NOVA2: variants seen among roughly 807,000 people sequenced by gnomAD.
NOVA2 encodes the protein NOVA alternative splicing regulator 2.
A neutral mutation model predicts 22.5 loss-of-function variants in NOVA2; 9 were observed. The ratio of observed to expected loss-of-function variants is 0.40; its 90% confidence interval spans 0.24 to 0.70. The LOEUF (loss-of-function observed/expected upper bound fraction) is 0.70, where lower values mean the gene tolerates loss of function less well. Among genes scored for constraint, NOVA2 ranks in the 30% least tolerant of loss-of-function variants. NOVA2 has a pLI of 0.38. For missense variants in NOVA2, 383 were observed against 682.8 expected, an observed-to-expected ratio of 0.56 and a Z score of 4.89; for synonymous variants, 318 against 335.2, an observed-to-expected ratio of 0.95 and a Z score of 0.56.
At chr19:45,944,112 C>T (rs1400173512) in intron 3 of NOVA2, among the ~76,000 whole-genome samples, 1 of 152,090 alleles carries the variant, frequency 6.6e-6, no homozygotes, top group Non-Finnish European at 1.5e-5. Flanking sequence ...TTCATTATTC[C>T]TTCTATTGTG....
chr19:45,940,191 G>T lies in NOVA2; in HGVS notation c.1151C>A (p.Ala384Asp). 3 of 1,553,092 alleles carry T rather than the reference G, an allele frequency of 1.9e-6. No homozygotes were observed. Among genetic ancestry groups the T allele is most frequent in the Non-Finnish European group, 2.6e-6 (3 of 1,156,476 alleles). Residue 384 changes from alanine (A) to aspartate (D), a missense_variant, in exon 4 of 4, where the codon GCT becomes GAT. Transcript: ENST00000263257. ...CCCGGCCGCCCCGGCCGCGGCTGCA[G>T]CGGCCACCAGCGGGCCGCCCCCTCC... is the stretch of plus-strand genomic sequence containing the variant. ...AGGGGGPLVA[A>D]AAAAGAAGGF...
intron 2 of NOVA2, among the ~76,000 whole-genome samples, chr19:45,956,141 C>A (rs1027285395): frequency 6.6e-6 from 1 of 152,142 alleles, no homozygotes; most frequent in South Asian, 2.1e-4. Context: ...ACTACCCCCC[C>A]TTCCCCACCC....
rs148501100 is a variant in NOVA2 at position 45,970,783 on chromosome 19, G to A, written c.85+2484C>T. Among the ~76,000 whole-genome samples the A allele has an allele frequency of 1.8e-3, 276 of 152,232 alleles. 2 individuals are homozygous for A. The highest frequency in any genetic ancestry group is 3.1e-3 in the Admixed American group (47 of 15,284). On this transcript the variant is annotated intron_variant, in intron 1 of 3. Transcript: ENST00000263257. ...CAGCTATGAATGTATATTATTGAAA[G>A]AAGCCCTCAATTTTGGGATCAAAGT...
At chr19:45,960,335 G>C (rs762321249) in intron 2 of NOVA2, among the ~76,000 whole-genome samples, 1 of 151,316 alleles carries the variant, frequency 6.6e-6, no homozygotes, top group Non-Finnish European at 1.5e-5. Context: ...GACTATGAGA[G>C]GTGGAGGGAA....
rs1382852940 is a variant in NOVA2 at position 45,940,819 on chromosome 19, G to A, written c.523C>T (p.Leu175=). The A allele has an allele frequency of 1.9e-6, 3 of 1,606,284 alleles. No homozygotes were observed. In the East Asian group the frequency reaches 6.7e-5, roughly 36 times the overall value. Reference sequence around the variant, plus strand: ...CTGACCGTCACCACGCGCTCCTGCAGGTTGATGCCCTCCGGCTTCTGGGAC... The same window carrying A: ...CTGACCGTCACCACGCGCTCCTGCAAGTTGATGCCCTCCGGCTTCTGGGAC... ...QLSQKPEGIN[L]QERVVTVSGE... is the part of the protein sequence containing the mutation. Residue 175 remains leucine, a synonymous_variant, in exon 4 of 4, where the codon CTG becomes TTG. Coordinates refer to ENST00000263257, the MANE Select transcript of NOVA2 (RefSeq NM_002516.4).
rs1227549727 is a variant in NOVA2, at chr19:45,973,185, C to T, written c.85+82G>A. 60 of 679,484 alleles carry T rather than the reference C, an allele frequency of 8.8e-5. 1 individual carries two copies. The highest frequency in any genetic ancestry group is 6.9e-5 in the Non-Finnish European group (31 of 449,722). The allele number at this position is 679,484 out of a possible 1,614,324, so 42.1% of individuals were successfully genotyped here. A position where few individuals can be genotyped will look rare whatever the true frequency, so the allele number is the denominator to read the frequency against. ...TCTCCCCTCCCCAGAGCCCTTGCACCTGCCACGGGAGGGGGGGAAAGGATG... is the reference window on the plus strand; with the variant it reads ...TCTCCCCTCCCCAGAGCCCTTGCACTTGCCACGGGAGGGGGGGAAAGGATG... On this transcript the variant is annotated intron_variant, in intron 1 of 3. Coordinates refer to ENST00000263257, the MANE Select transcript of NOVA2 (RefSeq NM_002516.4).
In NOVA2 at chr19:45,958,960, C is replaced by A. The variant is rs186372592; in HGVS notation, c.229+2050G>T. Among the ~76,000 whole-genome samples the A allele has an allele frequency of 3.0e-3, 464 of 152,296 alleles. 5 individuals carry two copies. Among genetic ancestry groups the A allele is most frequent in the African/African-American group, 0.011 (439 of 41,540 alleles). ...CTGGACTTCCTGTCCCAGCCCTGAC[C>A]ACTCTGGGTCATCACTGGTGTGACG... On this transcript the variant is annotated intron_variant, in intron 2 of 3. Transcript: ENST00000263257.
chr19:45,936,765 A>AC lies in NOVA2; in HGVS notation c.*3097_*3098insG, dbSNP rs1967659072. 6.6e-6 allele frequency: 1 copy of AC among 152,182 alleles called. No homozygotes were observed. The highest frequency in any genetic ancestry group is 2.4e-5 in the African/African-American group (1 of 41,388). The allele number at this position is 152,182 out of a possible 1,614,324, so 9.4% of individuals were successfully genotyped here. A position where few individuals can be genotyped will look rare whatever the true frequency, so the allele number is the denominator to read the frequency against. On this transcript the variant is annotated 3_prime_UTR_variant, in exon 4 of 4. Transcript: ENST00000263257. ...GAAGGTATGGGAAGCTAGAGGGCAA[A>AC]TGAGAAGGAATAGGGAGATAATCCA...
chr19:45,965,191 TG>T (rs1270121767), intron 1 of NOVA2, among the ~76,000 whole-genome samples: 3 of 152,144 alleles, frequency 2.0e-5, no homozygotes, highest in Non-Finnish European at 4.4e-5. Flanking sequence ...CTCAGAAAGA[TG>T]GGGAGGGAAT....
At chr19:45,964,851 A>ATGCCTGGTCTC in intron 1 of NOVA2, among the ~76,000 whole-genome samples, 1 of 152,130 alleles carries the variant, frequency 6.6e-6, no homozygotes, top group East Asian at 1.9e-4. Flanking sequence ...GTGAGTCACC[A>ATGCCTGGTCTC]TGCCTGGCCT....
intron 3 of NOVA2, among the ~76,000 whole-genome samples, chr19:45,944,229 C>T (rs894007215): frequency 6.6e-6 from 1 of 152,144 alleles, no homozygotes; most frequent in Non-Finnish European, 1.5e-5. Flanking sequence ...ATCACTTGAG[C>T]CCAGGAGTTC....
rs185047461 is a variant in NOVA2 at position 45,953,335 on chromosome 19, C to G, written c.396+445G>C. Among the ~76,000 whole-genome samples the G allele has an allele frequency of 2.6e-3, 402 of 152,292 alleles. 2 individuals are homozygous for G. Among genetic ancestry groups the G allele is most frequent in the African/African-American group, 9.4e-3 (389 of 41,564 alleles). On this transcript the variant is annotated intron_variant, in intron 3 of 3. Transcript: ENST00000263257. ...CGCTAATGAAACACCACCTCTACCC[C>G]CATACGTTAATTATGGAGGGAAGGA...
intron 2 of NOVA2, 98 bp from the exon 3 acceptor site, chr19:45,954,044 C>G: frequency 1.5e-6 from 2 of 1,360,762 alleles, no homozygotes; most frequent in East Asian, 2.3e-5. Flanking sequence ...AGCTGAGGTC[C>G]AGAGAGTGGA....
intron 1 of NOVA2, among the ~76,000 whole-genome samples, chr19:45,972,161 G>A (rs971515848): frequency 6.6e-6 from 1 of 151,704 alleles, no homozygotes; most frequent in Admixed American, 6.6e-5. Flanking sequence ...GTCACATGGG[G>A]ACCCATCCTT....
At chr19:45,958,870 A>T (rs182866103) in intron 2 of NOVA2, among the ~76,000 whole-genome samples, 1 of 152,230 alleles carries the variant, frequency 6.6e-6, no homozygotes, top group Admixed American at 6.5e-5. Flanking sequence ...CGTCTCTTCC[A>T]GGAAGCTCTT....
intron 1 of NOVA2, 94 bp downstream of exon 1, chr19:45,973,173 G>A: frequency 1.9e-6 from 1 of 522,068 alleles, no homozygotes; most frequent in Non-Finnish European, 3.1e-6. Flanking sequence ...CCCCTCCCCA[G>A]AGCCCTTGCA....
intron 1 of NOVA2, among the ~76,000 whole-genome samples, chr19:45,972,253 C>T (rs1247147629): frequency 2.6e-5 from 4 of 152,064 alleles, no homozygotes; most frequent in Non-Finnish European, 5.9e-5. Flanking sequence ...TTCCCTGTTG[C>T]ACACACCCCC....
At chr19:45,956,135 C>A (rs557663244) in intron 2 of NOVA2, among the ~76,000 whole-genome samples, 10 of 152,202 alleles carry the variant, frequency 6.6e-5, no homozygotes, top group South Asian at 2.1e-4. Context: ...ACTCTTACTA[C>A]CCCCCCTTCC....
rs558955510 is a variant in NOVA2, at chr19:45,966,456, C to T, written c.86-5303G>A. On this transcript the variant is annotated intron_variant, in intron 1 of 3. Transcript: ENST00000263257. ...TTATTTATTGTATTTTTAGTAGAGA[C>T]GGGGTTTCACCATGTTGCCCAGGCT... 8.5e-5 allele frequency among the ~76,000 whole-genome samples: 13 copies of T among 152,150 alleles called. No homozygotes were observed. In the South Asian group the frequency reaches 1.4e-3, roughly 17 times the overall value.
Sources: gnomAD v4.1 joint callset for allele counts (sites outside exome capture counted in the v4.1 genomes callset) on GRCh38, gnomAD v4.1.1 for gene constraint, MANE v1.5 for transcripts, NCBI Gene and HGNC (gene_info 2026-07-23, HGNC 2026-07-21) for gene names.